LMX1B: variants seen among roughly 807,000 people sequenced by gnomAD.
The protein encoded by LMX1B is LIM homeobox transcription factor 1-beta.
A neutral mutation model predicts 51.4 loss-of-function variants in LMX1B; 12 were observed. The ratio of observed to expected loss-of-function variants is 0.23; its 90% CI spans 0.15 to 0.38. The LOEUF is 0.38. Among genes scored for constraint, LMX1B ranks in the 10% least tolerant of loss-of-function variants. The pLI is 1.00. For missense variants in LMX1B, 445 were observed against 571.1 expected (o/e 0.78, Z 2.25); for synonymous variants, 237 against 235.4 (o/e 1.01, Z -0.06).
intron 2 of LMX1B, among the ~76,000 whole-genome samples, chr9:126,684,531 AATCACCCGAGGCTGTGC>A (rs1342117930): frequency 2.6e-5 from 4 of 152,146 alleles, no homozygotes; most frequent in Non-Finnish European, 4.4e-5. Flanking sequence ...AAGGGATGTG[AATCACCCGAGGCTGTGC>A]ATCACCCGAG....
At chr9:126,635,902 C>T (rs970018062) in intron 2 of LMX1B, among the ~76,000 whole-genome samples, 4 of 152,222 alleles carry the variant, frequency 2.6e-5, no homozygotes, top group African/African-American at 9.6e-5. Flanking sequence ...CCAGAACCTG[C>T]CCTGTGGGCT....
At chr9:126,691,130 G>A in intron 3 of LMX1B, 62 bp downstream of exon 3, 3 of 1,334,654 alleles carry the variant, frequency 2.2e-6, no homozygotes, top group Non-Finnish European at 3.1e-6. Flanking sequence ...GTGTCCTGGA[G>A]GGGAGTCCCG....
At position 126,647,855 on chromosome 9, in the gene LMX1B, A is replaced by G. The variant is rs1046535381; in HGVS notation, c.326+32286A>G. Among the ~76,000 whole-genome samples, 6 of 152,252 alleles carry G rather than the reference A, an allele frequency of 3.9e-5. No homozygotes were observed. In the East Asian group the frequency reaches 9.6e-4, roughly 24 times the overall value. ...AAGCCTCGAGCAGCCAGCCTGAGGC[A>G]GTTCCAGGCATGGACTGGGTGAGTT... On this transcript the variant is annotated intron_variant, in intron 2 of 7. Transcript: ENST00000373474.
chr9:126,661,241 C>G (rs566631641), intron 2 of LMX1B, among the ~76,000 whole-genome samples: 1 of 125,058 alleles, frequency 8.0e-6, no homozygotes, highest in East Asian at 4.7e-4. Context: ...GGACGCCCCA[C>G]GCAGGGCGAC....
intron 2 of LMX1B, among the ~76,000 whole-genome samples, chr9:126,682,668 G>A (rs930452042): frequency 2.0e-5 from 3 of 152,080 alleles, no homozygotes; most frequent in Non-Finnish European, 4.4e-5. Flanking sequence ...AGCCCTAGGT[G>A]GGGGGATCAC....
At chr9:126,630,901 G>A (rs543241383) in intron 2 of LMX1B, among the ~76,000 whole-genome samples, 18 of 152,370 alleles carry the variant, frequency 1.2e-4, no homozygotes, top group African/African-American at 3.4e-4. Context: ...CCGGGCTGCC[G>A]GTGCAGCAAT....
intron 2 of LMX1B, among the ~76,000 whole-genome samples, chr9:126,661,588 C>G (rs1456453706): frequency 6.6e-6 from 1 of 152,166 alleles, no homozygotes; most frequent in Non-Finnish European, 1.5e-5. Flanking sequence ...GGAGGCCCCT[C>G]CCTCCTGCCC....
intron 2 of LMX1B, among the ~76,000 whole-genome samples, chr9:126,679,293 G>C (rs554303744): frequency 6.6e-6 from 1 of 152,246 alleles, no homozygotes; most frequent in East Asian, 1.9e-4. Context: ...ATGGAGGCAT[G>C]GATGTTTGTA....
chr9:126,661,002 G>A (rs1255843817), intron 2 of LMX1B, among the ~76,000 whole-genome samples: 5 of 152,194 alleles, frequency 3.3e-5, no homozygotes, highest in African/African-American at 9.7e-5. Flanking sequence ...CAAAAGCAAC[G>A]TCTAAACTTA....
intron 6 of LMX1B, among the ~76,000 whole-genome samples, chr9:126,694,181 T>C (rs1416148608): frequency 1.3e-5 from 2 of 152,154 alleles, no homozygotes; most frequent in African/African-American, 4.8e-5. Flanking sequence ...TCACACTCAC[T>C]GCGTGCAGAC....
intron 2 of LMX1B, among the ~76,000 whole-genome samples, chr9:126,669,964 C>CT (rs944366066): frequency 2.6e-5 from 4 of 152,134 alleles, no homozygotes; most frequent in African/African-American, 9.7e-5. Context: ...TCCGAGGAGG[C>CT]TGAGGGCAGG....
chr9:126,653,752 C>T (rs1287762882), intron 2 of LMX1B, among the ~76,000 whole-genome samples: 2 of 152,162 alleles, frequency 1.3e-5, no homozygotes, highest in Non-Finnish European at 2.9e-5. Context: ...CCCTCCCACC[C>T]TTCATCCCCA....
intron 2 of LMX1B, among the ~76,000 whole-genome samples, chr9:126,681,502 C>T (rs1040769706): frequency 6.6e-6 from 1 of 152,186 alleles, no homozygotes; most frequent in Admixed American, 6.5e-5. Context: ...CCCTGCCCTC[C>T]TGGCTCTGAG....
At chr9:126,682,178 T>A (rs998913936) in intron 2 of LMX1B, among the ~76,000 whole-genome samples, 2 of 140,700 alleles carry the variant, frequency 1.4e-5, no homozygotes, top group Admixed American at 7.6e-5. Context: ...TCTACAAGCC[T>A]CGGCCTTCCA....
chr9:126,642,409 C>T (rs1835825767), intron 2 of LMX1B, among the ~76,000 whole-genome samples: 1 of 152,200 alleles, frequency 6.6e-6, no homozygotes, highest in South Asian at 2.1e-4. Flanking sequence ...TCGGTGCTAT[C>T]ACCAGAGCTT....
intron 2 of LMX1B, among the ~76,000 whole-genome samples, chr9:126,664,956 C>T (rs1025989998): frequency 2.6e-5 from 4 of 152,244 alleles, no homozygotes; most frequent in Non-Finnish European, 5.9e-5. Context: ...CTCAGTTTCT[C>T]TACCTACGAA....
chr9:126,677,000 C>T (rs908017548), intron 2 of LMX1B, among the ~76,000 whole-genome samples: 6 of 152,192 alleles, frequency 3.9e-5, no homozygotes, highest in African/African-American at 1.4e-4. Context: ...CTAATGCGGC[C>T]GGGCGGGCGG....
In LMX1B at chr9:126,677,621, C is replaced by T. The variant is rs1220707311; in HGVS notation, c.327-13215C>T. Among the ~76,000 whole-genome samples the T allele has an allele frequency of 6.6e-6, 1 of 152,192 alleles. No individual in the cohort carries two copies. Among genetic ancestry groups the T allele is most frequent in the Non-Finnish European group, 1.5e-5 (1 of 68,052 alleles). On this transcript the variant is annotated intron_variant, in intron 2 of 7. Transcript: ENST00000373474. This position sits in a 1 kb window ranked among gnomAD's most constrained non-coding sequence, Gnocchi z 5.0. The stretch of plus-strand genomic sequence containing the variant: ...CCGGGTGACCTGTGTAAGGAAGAGA[C>T]TCCTACCTCCGGTAGTGGTCATGAG...
At chr9:126,667,181 G>A (rs1431818615) in intron 2 of LMX1B, among the ~76,000 whole-genome samples, 1 of 152,140 alleles carries the variant, frequency 6.6e-6, no homozygotes, top group Non-Finnish European at 1.5e-5. Flanking sequence ...CATGTTCTGT[G>A]CACATCCACT....
Sources: gnomAD v4.1 joint callset for allele counts (sites outside exome capture counted in the v4.1 genomes callset) on GRCh38, gnomAD v4.1.1 for gene constraint, Gnocchi (gnomAD v3.1) non-coding constraint, MANE v1.5 for transcripts, NCBI Gene and HGNC (gene_info 2026-07-23, HGNC 2026-07-21) for gene names.